The following CFAP57 variants were observed in gnomAD, a reference collection of about 807,000 sequenced individuals.
CFAP57 encodes the protein cilia and flagella associated protein 57, also known as cilia- and flagella-associated protein 57.
A neutral mutation model predicts 146.8 loss-of-function variants in CFAP57; 116 were observed. The observed-to-expected ratio is 0.79, with a 90% CI of 0.68 to 0.92. The LOEUF (loss-of-function observed/expected upper bound fraction) is 0.92, where lower values mean the gene tolerates loss of function less well. Among genes scored for constraint, CFAP57 ranks in the 40% least tolerant of loss-of-function variants. The pLI, the probability that CFAP57 is intolerant of heterozygous loss-of-function variation, is 0.00. For synonymous variants in CFAP57, 518 were observed against 552.8 expected, an observed-to-expected ratio of 0.94 and a Z score of 0.88; for missense variants, 1,377 against 1,527.2, an observed-to-expected ratio of 0.90 and a Z score of 1.64.
intron 6 of CFAP57, 119 bp from the exon 7 acceptor site, chr1:43,197,434 C>T (rs1643911803): frequency 8.3e-7 from 1 of 1,205,410 alleles, no homozygotes. Flanking sequence ...AACAGTTTAG[C>T]CACAGCCTGA....
intron 9 of CFAP57, among the ~76,000 whole-genome samples, chr1:43,203,239 C>G (rs1449354651): frequency 6.6e-6 from 1 of 151,832 alleles, no homozygotes; most frequent in Non-Finnish European, 1.5e-5. Context: ...AAAGAAAACT[C>G]TAGGCCCAGA....
intron 6 of CFAP57, among the ~76,000 whole-genome samples, chr1:43,189,273 T>C (rs1643349881): frequency 6.6e-6 from 1 of 152,250 alleles, no homozygotes; most frequent in South Asian, 2.1e-4. Context: ...TTTCAATTTC[T>C]ACAAGAAGCC....
chr1:43,241,813 C>T (rs943812083), intron 21 of CFAP57, among the ~76,000 whole-genome samples: 6 of 152,128 alleles, frequency 3.9e-5, no homozygotes, highest in Non-Finnish European at 7.3e-5. Flanking sequence ...TGGTCATACA[C>T]GAGGAACTGC....
chr1:43,176,006 A>C (rs1178590412), intron 2 of CFAP57, among the ~76,000 whole-genome samples: 1 of 151,516 alleles, frequency 6.6e-6, no homozygotes, highest in Non-Finnish European at 1.5e-5. Flanking sequence ...TACACTTCTT[A>C]CTGTATCACT....
At chr1:43,223,980 A>T (rs1426219426) in intron 16 of CFAP57, 66 bp from the exon 17 acceptor site, 35 of 1,527,218 alleles carry the variant, frequency 2.3e-5, no homozygotes, top group Non-Finnish European at 3.5e-6. Flanking sequence ...TTACACTGAG[A>T]CAGTGGGAGG....
Position 43,206,846 on chromosome 1 carries a change from T to C in CFAP57, c.1669T>C (p.Tyr557His), listed in dbSNP as rs777220242. The change falls in exon 10 of 23, where the codon TAC (tyrosine) becomes CAC (histidine). Residue 557 changes from tyrosine to histidine, a missense_variant. Coordinates refer to ENST00000372492, the MANE Select transcript of CFAP57 (RefSeq NM_001378189.1). ...ETECVLKSCS[Y>H]NCVTVSPDAK... ...AGAATGCGTGCTCAAGTCTTGCAGC[T>C]ACAACTGTGTTACTGTCTCCCCCGA... The C allele has an allele frequency of 1.9e-6, 3 of 1,614,196 alleles. No individual in the cohort carries two copies.
intron 6 of CFAP57, among the ~76,000 whole-genome samples, chr1:43,188,617 T>A (rs189032926): frequency 7.2e-4 from 109 of 152,326 alleles, no homozygotes; most frequent in African/African-American, 2.5e-3. Flanking sequence ...TTGAGTCATA[T>A]GTCTTTTTAT....
Position 43,183,600 on chromosome 1 carries a change from A to G in CFAP57, c.484A>G (p.Ser162Gly). Residue 162 changes from serine to glycine, a missense_variant, in exon 4 of 23, where the codon AGT becomes GGT. Coordinates refer to ENST00000372492, the MANE Select transcript of CFAP57 (RefSeq NM_001378189.1). ...CTCTCACATTTTACAGGTGAGCTTC[A>G]GTCCACAGGATAACACTCAGGTGTG... is the stretch of plus-strand genomic sequence containing the variant. Reference protein sequence around the residue: ...QNNPVYQVSFSPQDNTQVCVT... With the variant: ...QNNPVYQVSFGPQDNTQVCVT... 1 of 1,614,186 alleles carries G rather than the reference A, an allele frequency of 6.2e-7. No individual in the cohort carries two copies. The highest frequency in any genetic ancestry group is 8.5e-7 in the Non-Finnish European group (1 of 1,180,016).
chr1:43,185,401 GCATTTGTTCC>G, intron 5 of CFAP57, 45 bp downstream of exon 5: 1 of 1,572,200 alleles, frequency 6.4e-7, no homozygotes, highest in Non-Finnish European at 8.7e-7. Flanking sequence ...GGTCCTATTG[GCATTTGTTCC>G]CCAGCAGCAG....
intron 16 of CFAP57, among the ~76,000 whole-genome samples, chr1:43,223,326 A>G (rs1319737628): frequency 6.6e-6 from 1 of 152,192 alleles, no homozygotes; most frequent in East Asian, 1.9e-4. Flanking sequence ...TCCGATGGAA[A>G]TGGAAATGGA....
At chr1:43,244,771 C>T (rs966404906) in intron 22 of CFAP57, among the ~76,000 whole-genome samples, 23 of 152,134 alleles carry the variant, frequency 1.5e-4, no homozygotes, top group Non-Finnish European at 2.2e-4. Flanking sequence ...GGCGTGGTGG[C>T]GCGGGCCTGT....
chr1:43,210,203 C>T (rs1206196563), intron 11 of CFAP57: 16 of 1,524,962 alleles, frequency 1.0e-5, no homozygotes, highest in East Asian at 4.9e-5. Flanking sequence ...CCGTAGCTGC[C>T]GTGAGTGTGG....
intron 2 of CFAP57, among the ~76,000 whole-genome samples, chr1:43,173,584 T>C (rs1479142478): frequency 1.3e-5 from 2 of 152,232 alleles, no homozygotes; most frequent in African/African-American, 4.8e-5. Flanking sequence ...ATTCTGTGTC[T>C]TGCTGCATCA....
At chr1:43,216,324 C>T (rs985274781) in intron 12 of CFAP57, among the ~76,000 whole-genome samples, 2 of 152,210 alleles carry the variant, frequency 1.3e-5, no homozygotes, top group Non-Finnish European at 2.9e-5. Context: ...TGACAAGCCC[C>T]TGGCATTCGC....
chr1:43,187,656 A>G (rs192204029), intron 6 of CFAP57, among the ~76,000 whole-genome samples: 1 of 151,246 alleles, frequency 6.6e-6, no homozygotes, highest in Non-Finnish European at 1.5e-5. Context: ...CCATCCTCCC[A>G]ATTATCACCC....
At position 43,190,265 on chromosome 1, in the gene CFAP57, C is replaced by CTTTTTTT. The variant is rs71036614; in HGVS notation, c.1122+3423_1122+3429dup. Among the ~76,000 whole-genome samples the CTTTTTTT allele has an allele frequency of 1.3e-4, 9 of 71,432 alleles. 1 individual carries two copies. The highest frequency in any genetic ancestry group is 5.2e-4 in the Admixed American group (3 of 5,718). 46.9% of individuals were successfully genotyped at this position (71,432 alleles called of 152,430 possible). A position where few individuals can be genotyped will look rare whatever the true frequency, so the allele number is the denominator to read the frequency against. ...ATCTTAGGGAGAAAGCATCCAGTCT[C>CTTTTTTT]TTTTTTTTTTTTTTTTTTTTTTTGA... On this transcript the variant is annotated intron_variant, in intron 6 of 22. Transcript: ENST00000372492.
chr1:43,223,351 G>T (rs1011770278), intron 16 of CFAP57, among the ~76,000 whole-genome samples: 3 of 152,174 alleles, frequency 2.0e-5, no homozygotes, highest in Admixed American at 6.5e-5. Context: ...AGGTCTTCTG[G>T]GGATGAGATA....
At chr1:43,253,618 A>C (rs1646373778) in intron 22 of CFAP57, among the ~76,000 whole-genome samples, 2 of 152,110 alleles carry the variant, frequency 1.3e-5, no homozygotes, top group South Asian at 2.1e-4. Context: ...AAAGACTGGC[A>C]GTTCAGAAGC....
chr1:43,224,371 A>G (rs1557803011), intron 17 of CFAP57, among the ~76,000 whole-genome samples, 167 bp downstream of exon 17: 1 of 152,214 alleles, frequency 6.6e-6, no homozygotes, highest in African/African-American at 2.4e-5. Flanking sequence ...CACTGGGCTA[A>G]TCGCTGTCAA....
Sources: gnomAD v4.1 joint callset for allele counts (sites outside exome capture counted in the v4.1 genomes callset) on GRCh38, gnomAD v4.1.1 for gene constraint, MANE v1.5 for transcripts, NCBI Gene and HGNC (gene_info 2026-07-23, HGNC 2026-07-21) for gene names.